ASTN2: variants seen among roughly 807,000 people sequenced by gnomAD.
ASTN2 encodes astrotactin-2.
A neutral mutation model predicts 139.8 loss-of-function variants in ASTN2; 54 were observed. The ratio of observed to expected loss-of-function variants is 0.39; its 90% confidence interval spans 0.31 to 0.48. The LOEUF (loss-of-function observed/expected upper bound fraction) is 0.48. ASTN2 is among the 20% of genes least tolerant of loss of function. ASTN2 has a pLI of 0.95. For synonymous variants in ASTN2, 756 were observed against 719.5 expected (o/e 1.05, Z -0.81); for missense variants, 1,565 against 1,725.1 (o/e 0.91, Z 1.64).
intron 5 of ASTN2, among the ~76,000 whole-genome samples, chr9:117,063,438 T>C (rs1414003899): frequency 6.6e-6 from 1 of 152,186 alleles, no homozygotes; most frequent in East Asian, 1.9e-4. Context: ...GATCTGATGG[T>C]TTGATAAGGG....
chr9:116,798,925 G>A (rs1830770189), intron 13 of ASTN2, among the ~76,000 whole-genome samples: 1 of 152,130 alleles, frequency 6.6e-6, no homozygotes, highest in South Asian at 2.1e-4. Flanking sequence ...AGACACAAAC[G>A]AATGCATTCT....
intron 12 of ASTN2, among the ~76,000 whole-genome samples, chr9:116,811,323 C>T (rs1461041837): frequency 1.3e-5 from 2 of 152,188 alleles, no homozygotes; most frequent in African/African-American, 2.4e-5. Flanking sequence ...ATAAGTCTGA[C>T]GTGCAGCCCT....
rs1030543272 is a variant in ASTN2, at chr9:116,918,135, T to G, written c.1890-54402A>C. Among the ~76,000 whole-genome samples the G allele has an allele frequency of 4.2e-4, 64 of 152,220 alleles. 1 individual carries two copies. The highest frequency in any genetic ancestry group is 6.9e-4 in the Non-Finnish European group (47 of 68,042). On this transcript the variant is annotated intron_variant, in intron 10 of 22. Coordinates refer to ENST00000313400, the MANE Select transcript of ASTN2 (RefSeq NM_001365068.1). ...TGATTCTGATGCCTCCCCAGCCATG[T>G]GGAACTGTAAGTCCAATTAAACCTC...
intron 5 of ASTN2, among the ~76,000 whole-genome samples, chr9:117,043,235 T>A (rs1353618927): frequency 6.6e-6 from 1 of 152,020 alleles, no homozygotes; most frequent in Non-Finnish European, 1.5e-5. Context: ...TAATGATAAG[T>A]CTAGCATGAA....
At chr9:116,664,771 TAC>T (rs920965936) in intron 16 of ASTN2, among the ~76,000 whole-genome samples, 4 of 152,204 alleles carry the variant, frequency 2.6e-5, no homozygotes, top group African/African-American at 9.6e-5. Context: ...ATTTTGATTT[TAC>T]AGTTTAGTGA....
Position 116,999,815 on chromosome 9 carries a change from G to A in ASTN2, c.1591+8277C>T, listed in dbSNP as rs531392834. Among the ~76,000 whole-genome samples, 5 of 151,954 alleles carry A rather than the reference G, an allele frequency of 3.3e-5. No individual in the cohort carries two copies. The South Asian group carries it at 1.0e-3, about 32-fold the overall frequency. On this transcript the variant is annotated intron_variant, in intron 7 of 22. Transcript: ENST00000313400. ...CCTCAAGTGATCCACCTGCCTTAGC[G>A]TCCCAAAGTTCTGGGATTACAGGAA...
intron 17 of ASTN2, among the ~76,000 whole-genome samples, chr9:116,632,599 G>A (rs1264049438): frequency 1.3e-5 from 2 of 152,124 alleles, no homozygotes; most frequent in Non-Finnish European, 2.9e-5. Flanking sequence ...CTACATACCA[G>A]CTACATTGAA....
intron 3 of ASTN2, among the ~76,000 whole-genome samples, chr9:117,193,223 T>G (rs1178707039): frequency 1.3e-5 from 2 of 152,146 alleles, no homozygotes; most frequent in African/African-American, 4.8e-5. Flanking sequence ...GACAGAACTA[T>G]GAGCCTTCAG....
Position 116,425,485 on chromosome 9 carries a change from G to T in ASTN2, c.*366C>A. On this transcript the variant is annotated 3_prime_UTR_variant, in exon 23 of 23. Transcript: ENST00000313400. Reference sequence around the variant, plus strand: ...AGGTCTCCTCCAGGGGTCCATGGCAGGAAGAAAGCAGAGTGTGGCAGGAAG... The same window carrying T: ...AGGTCTCCTCCAGGGGTCCATGGCATGAAGAAAGCAGAGTGTGGCAGGAAG... 7.1e-7 allele frequency: 1 copy of T among 1,398,822 alleles called. No homozygotes were observed. Among genetic ancestry groups the T allele is most frequent in the Non-Finnish European group, 1.0e-6 (1 of 997,412 alleles). The allele number at this position is 1,398,822 out of a possible 1,614,324, so 86.7% of individuals were successfully genotyped here. A position where few individuals can be genotyped will look rare whatever the true frequency, so the allele number is the denominator to read the frequency against.
At chr9:116,580,116 G>A (rs1401541057) in intron 19 of ASTN2, among the ~76,000 whole-genome samples, 3 of 152,162 alleles carry the variant, frequency 2.0e-5, no homozygotes, top group Admixed American at 6.5e-5. Flanking sequence ...CCCCGCACCC[G>A]GCCAGTCACA....
intron 19 of ASTN2, chr9:116,611,897 G>C (rs1469887816): frequency 6.6e-6 from 1 of 152,064 alleles, no homozygotes; most frequent in African/African-American, 2.4e-5. Flanking sequence ...AAACTGAAAA[G>C]GAGAAAATAT....
intron 13 of ASTN2, among the ~76,000 whole-genome samples, chr9:116,748,828 T>C (rs1240673468): frequency 6.6e-6 from 1 of 152,090 alleles, no homozygotes; most frequent in African/African-American, 2.4e-5. Flanking sequence ...CTTGAGCAAG[T>C]CATTTCCCAT....
chr9:116,689,499 AG>A (rs1860456202), intron 16 of ASTN2, among the ~76,000 whole-genome samples: 1 of 152,154 alleles, frequency 6.6e-6, no homozygotes, highest in African/African-American at 2.4e-5. Context: ...TTTACACATG[AG>A]GAAACTAAGG....
intron 1 of ASTN2, among the ~76,000 whole-genome samples, chr9:117,391,026 A>C (rs930322921): frequency 2.0e-5 from 3 of 152,190 alleles, no homozygotes; most frequent in African/African-American, 7.2e-5. Flanking sequence ...TAGGCTTTGC[A>C]TCCATAGATT....
At chr9:116,618,198 A>G in intron 19 of ASTN2, 126 bp downstream of exon 19, 1 of 1,066,684 alleles carries the variant, frequency 9.4e-7, no homozygotes, top group South Asian at 1.9e-5. Flanking sequence ...GCGAAAAATC[A>G]CTAAACAATG....
intron 19 of ASTN2, among the ~76,000 whole-genome samples, chr9:116,519,750 G>A (rs1587928266): frequency 6.6e-6 from 1 of 151,972 alleles, no homozygotes; most frequent in African/African-American, 2.4e-5. Flanking sequence ...AAAATTGATA[G>A]ACTATTAGTG....
chr9:117,181,408 T>C (rs575845581), intron 3 of ASTN2, among the ~76,000 whole-genome samples: 1 of 152,304 alleles, frequency 6.6e-6, no homozygotes, highest in South Asian at 2.1e-4. Flanking sequence ...TTTACTCAAC[T>C]CTCTTACACA....
intron 2 of ASTN2, among the ~76,000 whole-genome samples, chr9:117,232,083 A>C (rs192527454): frequency 6.6e-6 from 1 of 152,182 alleles, no homozygotes; most frequent in East Asian, 1.9e-4. Context: ...AAATTACAAA[A>C]GCCACCCAGG....
At chr9:116,500,496 C>A (rs889453974) in intron 19 of ASTN2, among the ~76,000 whole-genome samples, 1 of 152,196 alleles carries the variant, frequency 6.6e-6, no homozygotes, top group African/African-American at 2.4e-5. Context: ...CTTACAGCCA[C>A]CCCCTGCAGT....
Sources: allele counts gnomAD v4.1 joint callset (sites outside exome capture counted in the v4.1 genomes callset), GRCh38; gene constraint gnomAD v4.1.1; transcripts MANE v1.5; gene names NCBI Gene and HGNC (gene_info 2026-07-23, HGNC 2026-07-21).